Variants in CADM2 observed in about 807,000 individuals in gnomAD.
CADM2 encodes cell adhesion molecule 2.
A neutral mutation model predicts 49.8 loss-of-function variants in CADM2; 12 were observed. That is an observed-to-expected ratio of 0.24 (90% CI 0.15 to 0.39). CADM2 has a LOEUF of 0.39. CADM2 is among the 10% of genes least tolerant of loss of function. The pLI, the probability that CADM2 is intolerant of heterozygous loss-of-function variation, is 1.00. For synonymous variants in CADM2, 214 were observed against 175.4 expected (o/e 1.22, Z -1.74); for missense variants, 378 against 492.3 (o/e 0.77, Z 2.20).
chr3:85,661,845 T>G (rs1347707672), intron 1 of CADM2, among the ~76,000 whole-genome samples: 1 of 151,998 alleles, frequency 6.6e-6, no homozygotes, highest in Non-Finnish European at 1.5e-5. Context: ...ACCTTATTAG[T>G]CAATAACAAT....
At chr3:85,846,559 AAAATT>A (rs1226212860) in intron 3 of CADM2, among the ~76,000 whole-genome samples, 1 of 152,214 alleles carries the variant, frequency 6.6e-6, no homozygotes, top group African/African-American at 2.4e-5. Flanking sequence ...CAGTTAAGCA[AAAATT>A]AAAATATATT....
chr3:85,941,616 T>G (rs1187315233), intron 7 of CADM2, among the ~76,000 whole-genome samples: 2 of 152,072 alleles, frequency 1.3e-5, no homozygotes, highest in African/African-American at 4.8e-5. Flanking sequence ...CTAATTTACC[T>G]TAATTTAAGG....
At chr3:86,036,542 G>T (rs143288954) in intron 8 of CADM2, among the ~76,000 whole-genome samples, 125 of 152,010 alleles carry the variant, frequency 8.2e-4, no homozygotes, top group African/African-American at 3.0e-3. Context: ...CAAGGTGTTG[G>T]ACTGAATTAT....
intron 1 of CADM2, among the ~76,000 whole-genome samples, chr3:85,188,007 A>G (rs892923966): frequency 2.6e-4 from 39 of 152,102 alleles, no homozygotes; most frequent in African/African-American, 8.9e-4. Context: ...TAACAATGAA[A>G]GTTATTATCT....
intron 1 of CADM2, among the ~76,000 whole-genome samples, chr3:85,725,298 T>C (rs1327366328): frequency 6.6e-6 from 1 of 151,966 alleles, no homozygotes; most frequent in Non-Finnish European, 1.5e-5. Flanking sequence ...GCCTGGTATG[T>C]ACACAGACTT....
In CADM2 at chr3:85,284,420, G is replaced by A. The variant is rs190661999; in HGVS notation, c.61+324752G>A. Among the ~76,000 whole-genome samples the A allele has an allele frequency of 1.8e-3, 273 of 152,178 alleles. 1 individual carries two copies. Among genetic ancestry groups the A allele is most frequent in the African/African-American group, 6.3e-3 (263 of 41,550 alleles). ...ATATGTCAGATGGATGACTGCTATG[G>A]ATGAAGACTGAACAAGGAGAAGAAG... On this transcript the variant is annotated intron_variant, in intron 1 of 9. Coordinates refer to ENST00000383699, the MANE Select transcript of CADM2 (RefSeq NM_001167675.2).
intron 1 of CADM2, among the ~76,000 whole-genome samples, chr3:85,066,161 G>A (rs2036524046): frequency 6.6e-6 from 1 of 151,976 alleles, no homozygotes; most frequent in African/African-American, 2.4e-5. Context: ...TTCAGAAGAG[G>A]GTGCCTTCAT....
chr3:85,304,590 A>G (rs2044171537), intron 1 of CADM2, among the ~76,000 whole-genome samples: 1 of 151,844 alleles, frequency 6.6e-6, no homozygotes, highest in Admixed American at 6.6e-5. Flanking sequence ...CAGGAAAAGG[A>G]CGGAATATAA....
chr3:85,587,136 C>A (rs2062967063), intron 1 of CADM2, among the ~76,000 whole-genome samples: 1 of 152,034 alleles, frequency 6.6e-6, no homozygotes, highest in Non-Finnish European at 1.5e-5. Context: ...CATCAGGAAT[C>A]TGTAAGGACT....
At chr3:85,052,357 C>G (rs1402413127) in intron 1 of CADM2, among the ~76,000 whole-genome samples, 1 of 152,068 alleles carries the variant, frequency 6.6e-6, no homozygotes, top group Non-Finnish European at 1.5e-5. Context: ...TCAAGTATTA[C>G]CATTGACTTA....
At chr3:85,126,977 G>T (rs937227417) in intron 1 of CADM2, among the ~76,000 whole-genome samples, 4 of 152,106 alleles carry the variant, frequency 2.6e-5, no homozygotes, top group Non-Finnish European at 5.9e-5. Context: ...TATTTGGATA[G>T]TAAGTATCTG....
chr3:85,927,917 G>C (rs1222097881), intron 6 of CADM2, among the ~76,000 whole-genome samples: 1 of 152,022 alleles, frequency 6.6e-6, no homozygotes, highest in East Asian at 1.9e-4. Context: ...GATAAATTTT[G>C]TTAAGCCAAT....
Position 85,778,001 on chromosome 3 carries a change from C to T in CADM2, c.89-24046C>T, listed in dbSNP as rs981032240. On this transcript the variant is annotated intron_variant, in intron 2 of 9. Coordinates refer to ENST00000383699, the MANE Select transcript of CADM2 (RefSeq NM_001167675.2). ...TCAACACCTCGACCAGTGAACAGTACAATCATCCATTATGACTTCTGTGTG... is the reference window on the plus strand; with the variant it reads ...TCAACACCTCGACCAGTGAACAGTATAATCATCCATTATGACTTCTGTGTG... Among the ~76,000 whole-genome samples, 7 of 152,098 alleles carry T rather than the reference C, an allele frequency of 4.6e-5. No individual in the cohort carries two copies. In the South Asian group the frequency reaches 1.0e-3, roughly 23 times the overall value.
At chr3:85,789,607 AC>A (rs1328233722) in intron 2 of CADM2, among the ~76,000 whole-genome samples, 3 of 152,236 alleles carry the variant, frequency 2.0e-5, no homozygotes, top group African/African-American at 7.2e-5. Context: ...ATAAATGAGA[AC>A]AACTCATCAA....
chr3:85,600,846 C>G (rs1384113118), intron 1 of CADM2, among the ~76,000 whole-genome samples: 1 of 150,882 alleles, frequency 6.6e-6, no homozygotes, highest in African/African-American at 2.4e-5. Flanking sequence ...CTTGTCAAAC[C>G]AATTCAATTT....
chr3:85,244,601 A>T (rs2042607458), intron 1 of CADM2, among the ~76,000 whole-genome samples: 1 of 152,150 alleles, frequency 6.6e-6, no homozygotes, highest in Non-Finnish European at 1.5e-5. Flanking sequence ...CTCATTTTCC[A>T]AGCTGTGATT....
At position 86,067,824 on chromosome 3, in the gene CADM2, C is replaced by G. The variant is rs1489589601; in HGVS notation, c.*1041C>G. 6.6e-6 allele frequency: 1 copy of G among 152,276 alleles called. No homozygotes were observed. Among genetic ancestry groups the G allele is most frequent in the African/African-American group, 2.4e-5 (1 of 41,388 alleles). The allele number at this position is 152,276 out of a possible 1,614,324, so 9.4% of individuals were successfully genotyped here. A position where few individuals can be genotyped will look rare whatever the true frequency, so the allele number is the denominator to read the frequency against. ...AGATAACATGTATTAGTATTTTTGTCTGTATGTCCTAGCACTGTTCAACAA... is the reference window on the plus strand; with the variant it reads ...AGATAACATGTATTAGTATTTTTGTGTGTATGTCCTAGCACTGTTCAACAA... On this transcript the variant is annotated 3_prime_UTR_variant, in exon 10 of 10. Transcript: ENST00000383699.
At chr3:85,170,422 T>A (rs1232234147) in intron 1 of CADM2, among the ~76,000 whole-genome samples, 1 of 151,676 alleles carries the variant, frequency 6.6e-6, no homozygotes, top group Non-Finnish European at 1.5e-5. Context: ...CACTGCAACT[T>A]CCGCCTCCCA....
At chr3:85,377,186 G>A (rs779055348) in intron 1 of CADM2, among the ~76,000 whole-genome samples, 11 of 151,940 alleles carry the variant, frequency 7.2e-5, no homozygotes, top group Non-Finnish European at 1.5e-4. Flanking sequence ...GTTCATAAAT[G>A]CTAATATTTA....
Sources: allele counts gnomAD v4.1 joint callset (sites outside exome capture counted in the v4.1 genomes callset), GRCh38; gene constraint gnomAD v4.1.1; transcripts MANE v1.5; gene names NCBI Gene and HGNC (gene_info 2026-07-23, HGNC 2026-07-21).